Variants in ARG2 observed in about 807,000 individuals in gnomAD.
ARG2 encodes the protein arginase-2, mitochondrial.
ARG2 carries 21 observed loss-of-function variants against 39.4 expected under a neutral mutation model. That is an observed-to-expected ratio of 0.53 (90% CI 0.38 to 0.77). The LOEUF (loss-of-function observed/expected upper bound fraction) is 0.77. Ranked by LOEUF, ARG2 falls within the 30% of genes least tolerant of loss-of-function variation. The pLI, the probability that ARG2 is intolerant of heterozygous loss-of-function variation, is 0.00. For missense variants in ARG2, 378 were observed against 426.2 expected (o/e 0.89, Z 1.00); for synonymous variants, 150 against 156.7 (o/e 0.96, Z 0.32).
chr14:67,633,678 T>C (rs2036941153), intron 2 of ARG2, among the ~76,000 whole-genome samples: 1 of 152,222 alleles, frequency 6.6e-6, no homozygotes, highest in African/African-American at 2.4e-5. Context: ...TCTTCCTGGC[T>C]TAGAAACCAC....
At chr14:67,650,569 C>A (rs1430137497) in intron 7 of ARG2, 146 bp from the exon 8 acceptor site, 2 of 674,846 alleles carry the variant, frequency 3.0e-6, no homozygotes, top group Non-Finnish European at 5.2e-6. Flanking sequence ...GGATGAGGTG[C>A]AAGGGGCTTC....
intron 2 of ARG2, among the ~76,000 whole-genome samples, chr14:67,635,800 C>G (rs1204512295): frequency 6.6e-6 from 1 of 152,068 alleles, no homozygotes; most frequent in African/African-American, 2.4e-5. Flanking sequence ...TGCAGTGAGC[C>G]AAGATCACGC....
intron 2 of ARG2, among the ~76,000 whole-genome samples, chr14:67,626,420 A>T (rs907387854): frequency 2.0e-5 from 3 of 152,238 alleles, no homozygotes; most frequent in African/African-American, 7.2e-5. Flanking sequence ...TTTGGAAAAC[A>T]GTTTGGCAGA....
chr14:67,639,201 T>C (rs1033393070), intron 2 of ARG2, among the ~76,000 whole-genome samples: 9 of 152,220 alleles, frequency 5.9e-5, no homozygotes, highest in African/African-American at 1.9e-4. Context: ...TTTTTTCTAA[T>C]ACAAGTGAGT....
Position 67,642,197 on chromosome 14 carries a change from A to T in ARG2, c.196A>T (p.Lys66Ter), listed in dbSNP as rs1398829842. 6.2e-7 allele frequency: 1 copy of T among 1,613,856 alleles called. No homozygotes were observed. The highest frequency in any genetic ancestry group is 8.5e-7 in the Non-Finnish European group (1 of 1,179,790). The change falls in exon 3 of 8, where the codon AAA becomes TAA. Residue 66 changes from lysine to a stop codon, truncating the protein, a stop_gained. Coordinates refer to ENST00000261783, the MANE Select transcript of ARG2 (RefSeq NM_001172.4). LOFTEE classifies it high-confidence loss of function. ...KRLSSLGCHL[K>*]DFGDLSFTPV... is the part of the protein sequence containing the mutation. ...TCATTTGCTTCCAGGCTGCCACCTAAAAGACTTTGGAGATTTGAGTTTTAC... is the reference window on the plus strand; with the variant it reads ...TCATTTGCTTCCAGGCTGCCACCTATAAGACTTTGGAGATTTGAGTTTTAC...
chr14:67,650,628 G>T, intron 7 of ARG2, 87 bp from the exon 8 acceptor site: 1 of 1,233,222 alleles, frequency 8.1e-7, no homozygotes, highest in Non-Finnish European at 1.2e-6. Context: ...TTTTTACTTT[G>T]GCTTGTTCTC....
At chr14:67,627,600 A>G (rs2036881652) in intron 2 of ARG2, among the ~76,000 whole-genome samples, 1 of 152,174 alleles carries the variant, frequency 6.6e-6, no homozygotes, top group Non-Finnish European at 1.5e-5. Flanking sequence ...GTAAGGCTGT[A>G]TGATCCACCA....
intron 2 of ARG2, among the ~76,000 whole-genome samples, chr14:67,629,634 C>A (rs974560359): frequency 6.6e-6 from 1 of 152,196 alleles, no homozygotes; most frequent in Non-Finnish European, 1.5e-5. Flanking sequence ...CAATCAACTT[C>A]TCAGTCTTCT....
At chr14:67,622,207 TTTCTG>T (rs2036817941) in intron 2 of ARG2, among the ~76,000 whole-genome samples, 1 of 152,226 alleles carries the variant, frequency 6.6e-6, no homozygotes, top group African/African-American at 2.4e-5. Flanking sequence ...TCACATATCT[TTTCTG>T]GTGACATAAG....
At chr14:67,627,217 T>C (rs1185972625) in intron 2 of ARG2, among the ~76,000 whole-genome samples, 1 of 148,326 alleles carries the variant, frequency 6.7e-6, no homozygotes, top group African/African-American at 2.5e-5. Context: ...GAATTATATC[T>C]CAATAATTAA....
At chr14:67,628,582 C>T (rs1594823058) in intron 2 of ARG2, among the ~76,000 whole-genome samples, 1 of 152,112 alleles carries the variant, frequency 6.6e-6, no homozygotes, top group East Asian at 1.9e-4. Flanking sequence ...AACTTAATAC[C>T]TCTTATCAAA....
intron 3 of ARG2, among the ~76,000 whole-genome samples, chr14:67,642,789 TTTTC>T (rs2037049158): frequency 3.3e-5 from 4 of 119,560 alleles, no homozygotes; most frequent in African/African-American, 9.2e-5. Flanking sequence ...TGTTACTACA[TTTTC>T]TTTTTTTTTT....
In ARG2 at chr14:67,651,100, T is replaced by C. The variant is rs757327436; in HGVS notation, c.*180T>C. 5.3e-5 allele frequency: 49 copies of C among 922,764 alleles called. No homozygotes were observed. Among genetic ancestry groups the C allele is most frequent in the Non-Finnish European group, 7.1e-5 (44 of 623,668 alleles). The allele number at this position is 922,764 out of a possible 1,614,324, so 57.2% of individuals were successfully genotyped here. Reference sequence around the variant, plus strand: ...TGACCAATACTACTGTAAATGTATTTGGTTTTTTGCAGTTCACAGGGTATT... The same window carrying C: ...TGACCAATACTACTGTAAATGTATTCGGTTTTTTGCAGTTCACAGGGTATT... On this transcript the variant is annotated 3_prime_UTR_variant, in exon 8 of 8. Coordinates refer to ENST00000261783, the MANE Select transcript of ARG2 (RefSeq NM_001172.4).
chr14:67,638,369 CA>C (rs11300364), intron 2 of ARG2, among the ~76,000 whole-genome samples: 77,362 of 147,844 alleles, frequency 0.52, 21,291 homozygotes, highest in African/African-American at 0.7. Context: ...ACAAATAATC[CA>C]AAAAAAAAAG....
intron 3 of ARG2, among the ~76,000 whole-genome samples, chr14:67,644,043 CTGTT>C (rs1198351178): frequency 6.6e-6 from 1 of 152,120 alleles, no homozygotes; most frequent in Non-Finnish European, 1.5e-5. Flanking sequence ...TCAAGTCTCA[CTGTT>C]TGGGGACCAC....
At position 67,650,782 on chromosome 14, in the gene ARG2, G is replaced by C. The variant is rs2037163696; in HGVS notation, c.927G>C (p.Lys309Asn). The change falls in exon 8 of 8, where the codon AAG becomes AAC. Residue 309 changes from lysine to asparagine, a missense_variant. By Grantham distance (94) the Lys-to-Asn change is moderately conservative (BLOSUM62 0). Transcript: ENST00000261783. The part of the protein sequence containing the change: ...PQLATSEEEA[K>N]TTANLAVDVI... ...TGGCCACCTCAGAGGAAGAGGCGAA[G>C]ACTACAGCTAACCTGGCAGTAGATG... The C allele has an allele frequency of 6.2e-7, 1 of 1,614,144 alleles. No homozygotes were observed. The highest frequency in any genetic ancestry group is 1.7e-5 in the Admixed American group (1 of 60,020).
Position 67,631,406 on chromosome 14 carries a change from A to G in ARG2, c.184+10440A>G, listed in dbSNP as rs143439896. Among the ~76,000 whole-genome samples, 175 of 147,816 alleles carry G rather than the reference A, an allele frequency of 1.2e-3. 5 individuals carry two copies. The East Asian group carries it at 0.022, about 18-fold the overall frequency. On this transcript the variant is annotated intron_variant, in intron 2 of 7. Coordinates refer to ENST00000261783, the MANE Select transcript of ARG2 (RefSeq NM_001172.4). ...TTCTCTCTTGGCTTCAACTCTTCAA[A>G]TTCCTCTAGTAAATCCTTTCTTTCT...
rs1380754593 is a variant in ARG2 at position 67,651,511 on chromosome 14, C to CAGA, written c.*594_*596dup. ...AAAGAGAAGCAAAGTGGGGAGTAGT[C>CAGA]AGAAGTTTGGATAACCTTCCTTCTA... On this transcript the variant is annotated 3_prime_UTR_variant, in exon 8 of 8. Transcript: ENST00000261783. The CAGA allele has an allele frequency of 6.2e-7, 1 of 1,610,512 alleles. No individual in the cohort carries two copies. The highest frequency in any genetic ancestry group is 2.2e-5 in the East Asian group (1 of 44,760).
At chr14:67,628,056 C>T (rs1209817933) in intron 2 of ARG2, among the ~76,000 whole-genome samples, 1 of 152,136 alleles carries the variant, frequency 6.6e-6, no homozygotes, top group South Asian at 2.1e-4. Flanking sequence ...CCACAGTGCC[C>T]TTGGGGGATG....
Sources: allele counts gnomAD v4.1 joint callset (sites outside exome capture counted in the v4.1 genomes callset), GRCh38; gene constraint gnomAD v4.1.1; transcripts MANE v1.5; gene names NCBI Gene and HGNC (gene_info 2026-07-23, HGNC 2026-07-21).